Variants in GARRE1 observed in about 807,000 individuals in gnomAD.
GARRE1 encodes the protein granule associated Rac and RHOG effector 1.
A neutral mutation model predicts 103.2 loss-of-function variants in GARRE1; 49 were observed. The observed-to-expected ratio is 0.47, with a 90% CI of 0.38 to 0.60. GARRE1 has a LOEUF of 0.60. Ranked by LOEUF, GARRE1 falls within the 20% of genes least tolerant of loss-of-function variation. GARRE1 has a pLI of 0.00. For missense variants in GARRE1, 1,199 were observed against 1,370.5 expected, an observed-to-expected ratio of 0.87 and a Z score of 1.98; for synonymous variants, 505 against 532.8, an observed-to-expected ratio of 0.95 and a Z score of 0.72.
intron 1 of GARRE1, among the ~76,000 whole-genome samples, chr19:34,293,918 C>T (rs949364596): frequency 4.0e-5 from 6 of 151,656 alleles, no homozygotes; most frequent in Admixed American, 4.0e-4. Context: ...GTCACTACAC[C>T]TGGCTTATTT....
intron 3 of GARRE1, among the ~76,000 whole-genome samples, chr19:34,324,683 A>G (rs1202137069): frequency 2.0e-5 from 3 of 151,476 alleles, no homozygotes; most frequent in Non-Finnish European, 2.9e-5. Flanking sequence ...CTTTTTATTT[A>G]TTTTTTTAAA....
intron 2 of GARRE1, among the ~76,000 whole-genome samples, chr19:34,313,594 A>G (rs1022388532): frequency 6.6e-6 from 1 of 152,150 alleles, no homozygotes; most frequent in African/African-American, 2.4e-5. Flanking sequence ...ACTGATTTCC[A>G]TTTGCCAGTT....
chr19:34,296,017 T>C (rs2073944833), intron 1 of GARRE1, among the ~76,000 whole-genome samples: 1 of 152,248 alleles, frequency 6.6e-6, no homozygotes, highest in South Asian at 2.1e-4. Context: ...ACTCCATTGA[T>C]TTATACATCT....
At chr19:34,284,127 C>CTTTTTT (rs10608784) in intron 1 of GARRE1, among the ~76,000 whole-genome samples, 4 of 73,422 alleles carry the variant, frequency 5.4e-5, no homozygotes, top group Admixed American at 2.0e-4. Context: ...GCCCGGCTTT[C>CTTTTTT]TTTTTTTTTT....
intron 8 of GARRE1, among the ~76,000 whole-genome samples, chr19:34,335,919 T>G (rs1166434039): frequency 2.6e-5 from 4 of 152,188 alleles, no homozygotes; most frequent in Admixed American, 2.6e-4. Flanking sequence ...GCAGTTCACT[T>G]TGTGTCCTAA....
chr19:34,260,326 A>G (rs907471880), intron 1 of GARRE1, among the ~76,000 whole-genome samples: 3 of 152,238 alleles, frequency 2.0e-5, no homozygotes, highest in African/African-American at 7.2e-5. Flanking sequence ...ACTACAATAT[A>G]GTGTAAATAT....
chr19:34,285,919 C>A lies in GARRE1; in HGVS notation c.-795-13760C>A, dbSNP rs550036063. On this transcript the variant is annotated intron_variant, in intron 1 of 13. Transcript: ENST00000299505. ...AGTTTACATGTTTTGAATGTTTTTT[C>A]TCTCTGCTTGGGTAGGAACCCCAGG... Among the ~76,000 whole-genome samples the A allele has an allele frequency of 2.0e-5, 3 of 152,230 alleles. No individual in the cohort carries two copies. The East Asian group carries it at 5.8e-4, about 29-fold the overall frequency.
intron 2 of GARRE1, among the ~76,000 whole-genome samples, chr19:34,303,256 T>C (rs1208047212): frequency 6.6e-6 from 1 of 152,202 alleles, no homozygotes; most frequent in Admixed American, 6.5e-5. Context: ...AGTTTTTCCA[T>C]CCTTCTACAT....
chr19:34,298,940 A>G (rs569270497), intron 1 of GARRE1, among the ~76,000 whole-genome samples: 1 of 152,276 alleles, frequency 6.6e-6, no homozygotes, highest in South Asian at 2.1e-4. Context: ...AAGCCACCCA[A>G]GGTGTGAAAC....
intron 1 of GARRE1, among the ~76,000 whole-genome samples, chr19:34,258,265 TGG>T (rs2073687923): frequency 1.3e-5 from 2 of 152,136 alleles, no homozygotes; most frequent in South Asian, 4.1e-4. Flanking sequence ...ACATCTACCT[TGG>T]GGCATTTTCT....
intron 1 of GARRE1, among the ~76,000 whole-genome samples, chr19:34,256,784 T>TA (rs2073675990): frequency 6.6e-6 from 1 of 152,220 alleles, no homozygotes. Context: ...CAAGTGTCTT[T>TA]AAAAATCACA....
intron 1 of GARRE1, chr19:34,296,194 A>G: frequency 2.1e-6 from 1 of 474,322 alleles, no homozygotes; most frequent in Non-Finnish European, 3.7e-6. Flanking sequence ...CAAATAGCAC[A>G]GGAGGATCCC....
At chr19:34,335,481 G>A (rs1359625173) in intron 8 of GARRE1, among the ~76,000 whole-genome samples, 1 of 152,196 alleles carries the variant, frequency 6.6e-6, no homozygotes, top group East Asian at 1.9e-4. Flanking sequence ...GTGCCTATGT[G>A]GACTAAAATG....
At chr19:34,312,216 T>C (rs1468554315) in intron 2 of GARRE1, among the ~76,000 whole-genome samples, 2 of 152,228 alleles carry the variant, frequency 1.3e-5, no homozygotes, top group East Asian at 1.9e-4. Context: ...GCAGTCTAAA[T>C]GAGGGATGAT....
In GARRE1 at chr19:34,262,938, G is replaced by A. The variant is rs563349349; in HGVS notation, c.-796+8324G>A. 1.9e-4 allele frequency among the ~76,000 whole-genome samples: 29 copies of A among 152,202 alleles called. 1 individual carries two copies. Among genetic ancestry groups the A allele is most frequent in the Admixed American group, 1.8e-3 (27 of 15,276 alleles). ...GTTTAAAAAAATATATATAGGCCAG[G>A]CATGGTGGCTCACGCCTGTAATCCC... On this transcript the variant is annotated intron_variant, in intron 1 of 13. Coordinates refer to ENST00000299505, the MANE Select transcript of GARRE1 (RefSeq NM_014686.5).
At chr19:34,316,433 C>T (rs929665856) in intron 2 of GARRE1, among the ~76,000 whole-genome samples, 4 of 152,196 alleles carry the variant, frequency 2.6e-5, no homozygotes, top group African/African-American at 9.7e-5. Context: ...GTCACACTCT[C>T]CCAAACTTAT....
At chr19:34,273,501 A>T (rs965732186) in intron 1 of GARRE1, among the ~76,000 whole-genome samples, 1 of 152,234 alleles carries the variant, frequency 6.6e-6, no homozygotes, top group Non-Finnish European at 1.5e-5. Context: ...ATACCATTAA[A>T]TAAGTACTGA....
intron 1 of GARRE1, among the ~76,000 whole-genome samples, chr19:34,294,406 G>A (rs183135661): frequency 6.6e-6 from 1 of 151,662 alleles, no homozygotes; most frequent in African/African-American, 2.4e-5. Context: ...TTGGGTGACA[G>A]AGAGAGACCC....
chr19:34,257,001 T>C lies in GARRE1; in HGVS notation c.-796+2387T>C, dbSNP rs998023924. On this transcript the variant is annotated intron_variant, in intron 1 of 13. Transcript: ENST00000299505. ...CAGGTTTGTTGTGGCAACTTTTCAG[T>C]GTGGCATTTGAGATTCTAATCTTCC... 5.3e-5 allele frequency among the ~76,000 whole-genome samples: 8 copies of C among 152,310 alleles called. 1 individual carries two copies. The highest frequency in any genetic ancestry group is 1.9e-4 in the East Asian group (1 of 5,190).
Sources: gnomAD v4.1 joint callset for allele counts (sites outside exome capture counted in the v4.1 genomes callset) on GRCh38, gnomAD v4.1.1 for gene constraint, MANE v1.5 for transcripts, NCBI Gene and HGNC (gene_info 2026-07-23, HGNC 2026-07-21) for gene names.